Variants in DYNLL1 observed in about 807,000 individuals in gnomAD.
The protein encoded by DYNLL1 is dynein light chain LC8-type 1, also known as dynein light chain 1, cytoplasmic.
In DYNLL1, 3 loss-of-function variants were observed where a neutral mutation model predicts 10.1. The observed-to-expected ratio is 0.30, with a 90% confidence interval of 0.14 to 0.77. The LOEUF is 0.77. Among genes scored for constraint, DYNLL1 ranks in the 30% least tolerant of loss-of-function variants. The pLI is 0.66. For missense variants in DYNLL1, 47 were observed against 111.7 expected, an observed-to-expected ratio of 0.42 and a Z score of 2.61; for synonymous variants, 46 against 41.2, an observed-to-expected ratio of 1.12 and a Z score of -0.45.
intron 1 of DYNLL1, among the ~76,000 whole-genome samples, chr12:120,479,254 G>C (rs1878823858): frequency 6.7e-6 from 1 of 148,294 alleles, no homozygotes; most frequent in Non-Finnish European, 1.5e-5. Flanking sequence ...CTGAGGTCAG[G>C]AGTTCGAGAC....
intron 1 of DYNLL1, among the ~76,000 whole-genome samples, chr12:120,473,640 A>C (rs1416477508): frequency 6.7e-6 from 1 of 148,244 alleles, no homozygotes; most frequent in East Asian, 2.0e-4. Flanking sequence ...GGTTGCAGTG[A>C]GCCGAGATTG....
chr12:120,484,016 G>T (rs1878940477), intron 1 of DYNLL1, among the ~76,000 whole-genome samples: 1 of 152,142 alleles, frequency 6.6e-6, no homozygotes, highest in South Asian at 2.1e-4. Context: ...CATTTGAGCT[G>T]TGTGGGTGCA....
chr12:120,472,023 G>A (rs1482468592), intron 1 of DYNLL1, among the ~76,000 whole-genome samples: 1 of 152,096 alleles, frequency 6.6e-6, no homozygotes, highest in Non-Finnish European at 1.5e-5. Context: ...TGATAATAAG[G>A]GAGTGGCTCA....
chr12:120,487,811 T>C (rs1879032245), intron 1 of DYNLL1, among the ~76,000 whole-genome samples: 1 of 152,156 alleles, frequency 6.6e-6, no homozygotes, highest in East Asian at 1.9e-4. Flanking sequence ...TGGCCGTAAC[T>C]CAGGCCAGCT....
At chr12:120,489,060 A>G (rs1314310744) in intron 1 of DYNLL1, among the ~76,000 whole-genome samples, 2 of 152,220 alleles carry the variant, frequency 1.3e-5, no homozygotes, top group Admixed American at 6.5e-5. Context: ...AAGGAAGTCC[A>G]TCTCTGTACC....
chr12:120,496,340 C>T (rs1364117099), intron 1 of DYNLL1, 76 bp from the exon 2 acceptor site: 1 of 1,584,440 alleles, frequency 6.3e-7, no homozygotes, highest in African/African-American at 1.3e-5. Flanking sequence ...CGTGGTGGCG[C>T]CGGCCGGGGT....
chr12:120,497,141 C>A (rs1479987419), intron 2 of DYNLL1: 1 of 162,894 alleles, frequency 6.1e-6, no homozygotes, highest in Non-Finnish European at 1.3e-5. Context: ...GAAATAAATG[C>A]CTTTTTTGAC....
intron 2 of DYNLL1, 152 bp downstream of exon 2, chr12:120,496,705 G>C: frequency 2.3e-6 from 3 of 1,289,132 alleles, no homozygotes; most frequent in Non-Finnish European, 3.2e-6. Flanking sequence ...TGCATTTTGC[G>C]CTCCTGTGGA....
chr12:120,477,385 T>C (rs1565920343), intron 1 of DYNLL1, among the ~76,000 whole-genome samples: 1 of 152,154 alleles, frequency 6.6e-6, no homozygotes, highest in Non-Finnish European at 1.5e-5. Flanking sequence ...CCATAGAACA[T>C]TGAGCCTGGC....
At chr12:120,481,575 G>C (rs1237855187) in intron 1 of DYNLL1, among the ~76,000 whole-genome samples, 2 of 152,210 alleles carry the variant, frequency 1.3e-5, no homozygotes, top group Non-Finnish European at 2.9e-5. Flanking sequence ...GCGATGCATA[G>C]GGCAAGGCAT....
chr12:120,482,763 G>C lies in DYNLL1; in HGVS notation c.-7+12659G>C, dbSNP rs1274927886. On this transcript the variant is annotated intron_variant, in intron 1 of 2. Coordinates refer to the DYNLL1 transcript ENST00000392509. ...CTATAAAGTTACAGTATTCAAAGTAGGGTGGTATCAGCAAAAAGATAAACA... is the reference window on the plus strand; with the variant it reads ...CTATAAAGTTACAGTATTCAAAGTACGGTGGTATCAGCAAAAAGATAAACA... Among the ~76,000 whole-genome samples the C allele has an allele frequency of 3.3e-5, 5 of 152,196 alleles. No homozygotes were observed. The East Asian group carries it at 9.6e-4, about 29-fold the overall frequency.
chr12:120,484,431 T>G lies in DYNLL1; in HGVS notation c.-6-11985T>G, dbSNP rs200439398. Among the ~76,000 whole-genome samples, 16 of 152,140 alleles carry G rather than the reference T, an allele frequency of 1.1e-4. No individual in the cohort carries two copies. In the East Asian group the frequency reaches 1.7e-3, roughly 16 times the overall value. ...AGATTTATATATCGTGACAGGGAAC[T>G]CAGAATCATCCCATTTTGGTAAAAA... is the stretch of plus-strand genomic sequence containing the variant. On this transcript the variant is annotated intron_variant, in intron 1 of 2. Transcript: ENST00000392509.
chr12:120,478,018 T>C (rs1878793990), intron 1 of DYNLL1, among the ~76,000 whole-genome samples: 2 of 151,848 alleles, frequency 1.3e-5, no homozygotes, highest in Admixed American at 6.6e-5. Flanking sequence ...TTTCAAACTC[T>C]TAGCCTCAGG....
Position 120,496,127 on chromosome 12 carries a change from T to G in DYNLL1, c.-96T>G. 1 of 498,126 alleles carries G rather than the reference T, an allele frequency of 2.0e-6. No homozygotes were observed. Among genetic ancestry groups the G allele is most frequent in the Non-Finnish European group, 3.6e-6 (1 of 276,768 alleles). The allele number at this position is 498,126 out of a possible 1,614,324, so 30.9% of individuals were successfully genotyped here. A position where few individuals can be genotyped will look rare whatever the true frequency, so the allele number is the denominator to read the frequency against. On this transcript the variant is annotated 5_prime_UTR_variant, in exon 1 of 3. Coordinates refer to ENST00000242577, the MANE Select transcript of DYNLL1 (RefSeq NM_003746.3). ...TGGGGCTGCTTAGATGCGCCACGGT[T>G]TCGGTAGCGACGGTATCTCTAGCCG...
At chr12:120,498,048 A>G (rs201501190) in intron 2 of DYNLL1, 25 bp from the exon 3 acceptor site, 2 of 1,609,640 alleles carry the variant, frequency 1.2e-6, no homozygotes, top group African/African-American at 2.7e-5. Flanking sequence ...TTAAAATCCT[A>G]GTTCTTTTCT....
intron 1 of DYNLL1, among the ~76,000 whole-genome samples, chr12:120,480,966 C>A (rs752153651): frequency 4.6e-5 from 7 of 151,946 alleles, no homozygotes; most frequent in East Asian, 3.9e-4. Flanking sequence ...TCACCATGTT[C>A]GCCAGGATGG....
At chr12:120,471,812 C>T (rs1017040302) in intron 1 of DYNLL1, among the ~76,000 whole-genome samples, 15 of 152,008 alleles carry the variant, frequency 9.9e-5, no homozygotes, top group Middle Eastern at 3.2e-3. Flanking sequence ...AGGGTTTCAC[C>T]GTGTTAGCCA....
intron 1 of DYNLL1, among the ~76,000 whole-genome samples, chr12:120,483,850 G>A (rs1265991834): frequency 1.3e-5 from 2 of 152,164 alleles, no homozygotes; most frequent in Non-Finnish European, 2.9e-5. Flanking sequence ...CTGAGGTGGA[G>A]CAGCCAGTGA....
At chr12:120,488,516 C>G (rs787820) in intron 1 of DYNLL1, 85,029 of 152,022 alleles carry the variant, frequency 0.56, 25,723 homozygotes, top group East Asian at 0.77. Context: ...CACATAAAAT[C>G]TAAACTCCAA....
Sources: gnomAD v4.1 joint callset for allele counts (sites outside exome capture counted in the v4.1 genomes callset) on GRCh38, gnomAD v4.1.1 for gene constraint, MANE v1.5 for transcripts, NCBI Gene and HGNC (gene_info 2026-07-23, HGNC 2026-07-21) for gene names.